The following MLLT10 variants were observed in gnomAD, a reference collection of about 807,000 sequenced individuals.
MLLT10 encodes protein AF-10.
A neutral mutation model predicts 129.1 loss-of-function variants in MLLT10; 30 were observed. The ratio of observed to expected loss-of-function variants is 0.23; its 90% CI spans 0.17 to 0.32. MLLT10 has a LOEUF of 0.32. Ranked by LOEUF, MLLT10 falls within the 10% of genes least tolerant of loss-of-function variation. MLLT10 has a pLI of 1.00. For synonymous variants in MLLT10, 490 were observed against 446.4 expected (o/e 1.10, Z -1.23); for missense variants, 1,119 against 1,268.3 (o/e 0.88, Z 1.79).
intron 13 of MLLT10, among the ~76,000 whole-genome samples, chr10:21,711,065 C>G (rs2056033776): frequency 6.6e-6 from 1 of 152,140 alleles, no homozygotes; most frequent in Admixed American, 6.5e-5. Context: ...TAGAATTTAT[C>G]CTGCTCTACT....
Position 21,629,247 on chromosome 10 carries a change from C to G in MLLT10, c.699+12040C>G, listed in dbSNP as rs78071325. On this transcript the variant is annotated intron_variant, in intron 8 of 22. Coordinates refer to ENST00000307729, the MANE Select transcript of MLLT10 (RefSeq NM_001195626.3). ...CCTGGCCTCGGAAGTCACACGGTAT[C>G]ATTTTCTTTTTCTGACTAAATGTCT... 1.5e-4 allele frequency among the ~76,000 whole-genome samples: 23 copies of G among 152,036 alleles called. No homozygotes were observed. The East Asian group carries it at 4.4e-3, about 29-fold the overall frequency.
At chr10:21,567,376 T>G (rs1321481894) in intron 3 of MLLT10, among the ~76,000 whole-genome samples, 2 of 152,196 alleles carry the variant, frequency 1.3e-5, no homozygotes, top group African/African-American at 4.8e-5. Flanking sequence ...ACCTGATCTC[T>G]GTGGTGGATG....
intron 8 of MLLT10, among the ~76,000 whole-genome samples, chr10:21,618,907 G>T (rs540581285): frequency 1.3e-5 from 2 of 152,092 alleles, no homozygotes; most frequent in South Asian, 2.1e-4. Flanking sequence ...TAATTTATTT[G>T]TATTTTTAGT....
chr10:21,617,688 G>T (rs531341071), intron 8 of MLLT10, among the ~76,000 whole-genome samples: 97 of 151,810 alleles, frequency 6.4e-4, no homozygotes, highest in African/African-American at 2.3e-3. Flanking sequence ...AGAATATTTT[G>T]TCTTTTAATT....
chr10:21,562,349 T>A (rs562592095), intron 3 of MLLT10, among the ~76,000 whole-genome samples: 77 of 150,134 alleles, frequency 5.1e-4, no homozygotes, highest in South Asian at 1.0e-3. Flanking sequence ...TTATTTATTT[T>A]TTTTTGAGAC....
intron 14 of MLLT10, among the ~76,000 whole-genome samples, chr10:21,717,759 TC>T (rs2131533263): frequency 1.4e-5 from 2 of 142,118 alleles, no homozygotes; most frequent in East Asian, 2.2e-4. Flanking sequence ...TTCCTCCTCC[TC>T]CTCCTCCGCT....
At chr10:21,577,486 G>A (rs1049654367) in intron 3 of MLLT10, among the ~76,000 whole-genome samples, 2 of 142,916 alleles carry the variant, frequency 1.4e-5, no homozygotes, top group African/African-American at 2.6e-5. Context: ...TTTTTGAGAC[G>A]GAAGTCTCCC....
chr10:21,622,822 T>A (rs2046029103), intron 8 of MLLT10, among the ~76,000 whole-genome samples: 1 of 152,190 alleles, frequency 6.6e-6, no homozygotes, highest in South Asian at 2.1e-4. Context: ...CCATAGATAC[T>A]GGGTCCCACG....
intron 8 of MLLT10, among the ~76,000 whole-genome samples, chr10:21,646,405 C>T (rs2048478803): frequency 6.6e-6 from 1 of 151,806 alleles, no homozygotes; most frequent in Admixed American, 6.6e-5. Flanking sequence ...TGTTTCTGTC[C>T]TTTCTTTCTT....
chr10:21,542,828 A>G (rs543373365), intron 3 of MLLT10, among the ~76,000 whole-genome samples: 2 of 152,296 alleles, frequency 1.3e-5, no homozygotes, highest in Admixed American at 6.5e-5. Flanking sequence ...TGAGGTTGCA[A>G]TGAGCTATAG....
intron 5 of MLLT10, among the ~76,000 whole-genome samples, chr10:21,604,587 A>T (rs1161140267): frequency 2.6e-5 from 4 of 151,990 alleles, no homozygotes; most frequent in African/African-American, 7.2e-5. Context: ...GAGACTGTTT[A>T]AAAAAAATAA....
intron 16 of MLLT10, among the ~76,000 whole-genome samples, chr10:21,728,689 C>T (rs1252759731): frequency 6.6e-6 from 1 of 151,930 alleles, no homozygotes; most frequent in African/African-American, 2.4e-5. Context: ...AGAGAAAAGC[C>T]CATTCTAGGG....
intron 16 of MLLT10, 151 bp downstream of exon 16, chr10:21,728,079 A>G (rs1462286567): frequency 1.9e-5 from 11 of 582,252 alleles, no homozygotes; most frequent in Admixed American, 1.3e-4. Flanking sequence ...ATGATTCTAA[A>G]TTAATTTAAA....
At chr10:21,552,783 T>C (rs775891124) in intron 3 of MLLT10, among the ~76,000 whole-genome samples, 6 of 152,194 alleles carry the variant, frequency 3.9e-5, no homozygotes, top group Admixed American at 6.6e-5. Context: ...TCTTCTTTTC[T>C]GTTTATTTTC....
In MLLT10 at chr10:21,695,861, T is replaced by C. The variant is rs141423448; in HGVS notation, c.1699+13604T>C. 9.4e-3 allele frequency among the ~76,000 whole-genome samples: 1,391 copies of C among 148,582 alleles called. 14 individuals are homozygous for C. Among genetic ancestry groups the C allele is most frequent in the African/African-American group, 0.034 (1,310 of 38,118 alleles). The stretch of plus-strand genomic sequence containing the variant: ...GGCTATAAATTCATATGGCAGACTT[T>C]TTACCTCCTATCCAGAGCATAGACC... On this transcript the variant is annotated intron_variant, in intron 13 of 22. Transcript: ENST00000307729.
At chr10:21,613,950 A>G (rs768229968) in intron 6 of MLLT10, among the ~76,000 whole-genome samples, 10 of 151,614 alleles carry the variant, frequency 6.6e-5, no homozygotes, top group Non-Finnish European at 1.2e-4. Context: ...AGCTGGGTGC[A>G]GTGGCTATGC....
chr10:21,722,908 A>T (rs1379554697), intron 14 of MLLT10, among the ~76,000 whole-genome samples: 1 of 152,212 alleles, frequency 6.6e-6, no homozygotes, highest in Non-Finnish European at 1.5e-5. Flanking sequence ...GCAGAAATTA[A>T]TATGGAATGT....
intron 14 of MLLT10, among the ~76,000 whole-genome samples, chr10:21,724,306 A>T (rs1252293926): frequency 6.6e-6 from 1 of 152,248 alleles, no homozygotes; most frequent in Non-Finnish European, 1.5e-5. Flanking sequence ...CCATAAACGC[A>T]CATTTTCATG....
At chr10:21,652,251 T>G (rs1370563926) in intron 9 of MLLT10, among the ~76,000 whole-genome samples, 1 of 152,132 alleles carries the variant, frequency 6.6e-6, no homozygotes, top group African/African-American at 2.4e-5. Context: ...TTCTGTTTAT[T>G]CTGTGCTTGT....
Sources: gnomAD v4.1 joint callset for allele counts (sites outside exome capture counted in the v4.1 genomes callset) on GRCh38, gnomAD v4.1.1 for gene constraint, MANE v1.5 for transcripts, NCBI Gene and HGNC (gene_info 2026-07-23, HGNC 2026-07-21) for gene names.